TSGA13: variants seen among roughly 807,000 people sequenced by gnomAD.
TSGA13 encodes the protein testis specific 13, also known as testis-specific gene 13 protein.
TSGA13 carries 37 observed loss-of-function variants against 35.1 expected under a neutral mutation model. The ratio of observed to expected loss-of-function variants is 1.05; its 90% CI spans 0.81 to 1.39. The LOEUF (loss-of-function observed/expected upper bound fraction) is 1.39. Ranked by LOEUF, TSGA13 falls within the 40% of genes most tolerant of loss-of-function variation. The pLI is 0.00. For synonymous variants in TSGA13, 124 were observed against 121.2 expected, an observed-to-expected ratio of 1.02 and a Z score of -0.15; for missense variants, 338 against 328.5, an observed-to-expected ratio of 1.03 and a Z score of -0.22.
intron 5 of TSGA13, among the ~76,000 whole-genome samples, chr7:130,675,225 GTA>G (rs576412690): frequency 1.1e-4 from 17 of 149,382 alleles, no homozygotes; most frequent in Admixed American, 2.7e-4. Context: ...AAATATGTGT[GTA>G]TATATATATA....
intron 4 of TSGA13, 31 bp downstream of exon 4, chr7:130,680,915 G>A: frequency 6.2e-7 from 1 of 1,607,834 alleles, no homozygotes; most frequent in South Asian, 1.1e-5. Context: ...CTTCCCCTTA[G>A]AGATCTTGGG....
At chr7:130,679,656 C>T (rs1554464776) in intron 4 of TSGA13, among the ~76,000 whole-genome samples, 1 of 152,112 alleles carries the variant, frequency 6.6e-6, no homozygotes, top group African/African-American at 2.4e-5. Flanking sequence ...ATTACAGGCA[C>T]ATGCCACCCT....
chr7:130,670,950 T>C (rs552359806), intron 7 of TSGA13, among the ~76,000 whole-genome samples: 145 of 149,342 alleles, frequency 9.7e-4, no homozygotes, highest in African/African-American at 3.1e-3. Flanking sequence ...TTCATCTCTT[T>C]CACATATTGA....
chr7:130,674,502 C>T (rs1796365874), intron 5 of TSGA13, among the ~76,000 whole-genome samples: 2 of 152,156 alleles, frequency 1.3e-5, no homozygotes, highest in African/African-American at 4.8e-5. Context: ...CTAACATTGC[C>T]ACTCACATCC....
intron 5 of TSGA13, among the ~76,000 whole-genome samples, chr7:130,674,898 C>T (rs367887469): frequency 6.0e-4 from 92 of 152,268 alleles, no homozygotes; most frequent in African/African-American, 2.2e-3. Context: ...AAAAACTGCA[C>T]TTACTTTTGT....
Position 130,670,606 on chromosome 7 carries a change from C to T in TSGA13, c.658+1055G>A, listed in dbSNP as rs552322891. 3.7e-4 allele frequency among the ~76,000 whole-genome samples: 56 copies of T among 152,082 alleles called. 3 individuals carry two copies. The highest frequency in any genetic ancestry group is 1.2e-4 in the African/African-American group (5 of 41,466). On this transcript the variant is annotated intron_variant, in intron 7 of 7. Transcript: ENST00000356588. Reference sequence around the variant, plus strand: ...AATATTTAAGGCATTGTGGTATTTTCGATTTCTTGTTATTGTTGTTTGTTT... The same window carrying T: ...AATATTTAAGGCATTGTGGTATTTTTGATTTCTTGTTATTGTTGTTTGTTT...
intron 2 of TSGA13, 97 bp downstream of exon 2, chr7:130,685,091 T>C: frequency 8.3e-7 from 1 of 1,201,290 alleles, no homozygotes; most frequent in Non-Finnish European, 1.2e-6. Flanking sequence ...AATGAGAGTC[T>C]ACTCTGTGAC....
At position 130,668,903 on chromosome 7, in the gene TSGA13, G is replaced by C; in HGVS notation, c.*111C>G. 1 of 1,462,720 alleles carries C rather than the reference G, an allele frequency of 6.8e-7. No individual in the cohort carries two copies. The allele number at this position is 1,462,720 out of a possible 1,614,324, so 90.6% of individuals were successfully genotyped here. On this transcript the variant is annotated 3_prime_UTR_variant, in exon 8 of 8. Transcript: ENST00000356588. ...CTTCGGCTCGACCCTCCCGGCTTGC[G>C]ACCCGGGAGCCCACGCCCGCAGCAG...
Position 130,668,888 on chromosome 7 carries a change from A to AC in TSGA13, c.*125dup. ...GCGGCCCGCCGGAGACTTCGGCTCG[A>AC]CCCTCCCGGCTTGCGACCCGGGAGC... On this transcript the variant is annotated 3_prime_UTR_variant, in exon 8 of 8. Coordinates refer to ENST00000356588, the MANE Select transcript of TSGA13 (RefSeq NM_052933.4). 1 of 1,432,494 alleles carries AC rather than the reference A, an allele frequency of 7.0e-7. No homozygotes were observed. Among genetic ancestry groups the AC allele is most frequent in the South Asian group, 1.4e-5 (1 of 72,198 alleles). 88.7% of individuals were successfully genotyped at this position (1,432,494 alleles called of 1,614,324 possible).
chr7:130,677,124 C>T (rs2116314316), intron 5 of TSGA13, among the ~76,000 whole-genome samples: 1 of 152,266 alleles, frequency 6.6e-6, no homozygotes, highest in Non-Finnish European at 1.5e-5. Context: ...AATCTCCTGA[C>T]CTCGTGATCC....
chr7:130,679,062 G>C, intron 5 of TSGA13, 93 bp downstream of exon 5: 1 of 1,055,040 alleles, frequency 9.5e-7, no homozygotes. Flanking sequence ...GGTTTTCTGA[G>C]TACTATTCTC....
intron 6 of TSGA13, among the ~76,000 whole-genome samples, chr7:130,672,402 T>C (rs1455752860): frequency 6.6e-6 from 1 of 152,196 alleles, no homozygotes; most frequent in Non-Finnish European, 1.5e-5. Flanking sequence ...AAACCTCTTT[T>C]GTCTAATGTG....
In TSGA13 at chr7:130,675,255, G is replaced by T. The variant is rs549878876; in HGVS notation, c.388-2379C>A. Among the ~76,000 whole-genome samples the T allele has an allele frequency of 3.3e-5, 5 of 150,926 alleles. No homozygotes were observed. The East Asian group carries it at 9.8e-4, about 30-fold the overall frequency. The stretch of plus-strand genomic sequence containing the variant: ...TATATATATATGTATATATATATGG[G>T]TTTTTTTCTACCTATAGCTTCTGCT... On this transcript the variant is annotated intron_variant, in intron 5 of 7. Transcript: ENST00000356588.
upstream of TSGA13, chr7:130,686,847 A>G (rs4371949): frequency 0.23 from 34,939 of 151,984 alleles, 4,693 homozygotes; most frequent in South Asian, 0.35. Flanking sequence ...TGCTGTCCCC[A>G]ATCTCTTCAG....
intron 5 of TSGA13, among the ~76,000 whole-genome samples, chr7:130,676,247 C>G (rs1796409105): frequency 6.6e-6 from 1 of 152,210 alleles, no homozygotes; most frequent in Admixed American, 6.5e-5. Flanking sequence ...TTGTAGATAT[C>G]ACACGTTTCA....
chr7:130,685,234 A>C lies in TSGA13; in HGVS notation c.-24T>G. The C allele has an allele frequency of 6.2e-7, 1 of 1,612,642 alleles. No homozygotes were observed. Among genetic ancestry groups the C allele is most frequent in the African/African-American group, 1.3e-5 (1 of 75,028 alleles). On this transcript the variant is annotated 5_prime_UTR_variant, in exon 2 of 8. Transcript: ENST00000356588. Reference sequence around the variant, plus strand: ...ATTGCTGTTGACTGCTAGTTGGCCAACCCAAGGCAGGTATTCACCCAAGGC... The same window carrying C: ...ATTGCTGTTGACTGCTAGTTGGCCACCCCAAGGCAGGTATTCACCCAAGGC...
Position 130,672,853 on chromosome 7 carries a change from G to T in TSGA13, c.411C>A (p.Pro137=). 1 of 1,613,962 alleles carries T rather than the reference G, an allele frequency of 6.2e-7. No homozygotes were observed. Among genetic ancestry groups the T allele is most frequent in the Non-Finnish European group, 8.5e-7 (1 of 1,179,954 alleles). ...KVMESHHQHK[P]TENLWLPRMP... The stretch of plus-strand genomic sequence containing the variant: ...TGCGGGGCAGCCAGAGGTTCTCAGT[G>T]GGTTTGTGCTGATGATGACTTTCCT... Residue 137 remains proline (P), a synonymous_variant, in exon 6 of 8, where the codon CCC becomes CCA. Coordinates refer to ENST00000356588, the MANE Select transcript of TSGA13 (RefSeq NM_052933.4).
rs782000259 is a variant in TSGA13 at position 130,669,067 on chromosome 7, G to T, written c.775C>A (p.Arg259Ser). 1.9e-6 allele frequency: 3 copies of T among 1,614,192 alleles called. No individual in the cohort carries two copies. Among genetic ancestry groups the T allele is most frequent in the Non-Finnish European group, 2.5e-6 (3 of 1,180,034 alleles). ...TRTAPGESAF[R>S]NGRAPQWIIK... ...ATCCACTGCGGGGCCCTCCCGTTGC[G>T]GAAGGCGCTCTCCCCGGGCGCGGTT... Residue 259 changes from arginine to serine, a missense_variant, in exon 8 of 8, where the codon CGC (arginine) becomes AGC (serine). Coordinates refer to ENST00000356588, the MANE Select transcript of TSGA13 (RefSeq NM_052933.4).
At chr7:130,676,903 T>A (rs1196208901) in intron 5 of TSGA13, among the ~76,000 whole-genome samples, 3 of 152,088 alleles carry the variant, frequency 2.0e-5, no homozygotes, top group Non-Finnish European at 4.4e-5. Flanking sequence ...ATTCTTTTTT[T>A]TTTTTTTGAG....
Sources: allele counts gnomAD v4.1 joint callset (sites outside exome capture counted in the v4.1 genomes callset), GRCh38; gene constraint gnomAD v4.1.1; transcripts MANE v1.5; gene names NCBI Gene and HGNC (gene_info 2026-07-23, HGNC 2026-07-21).